LINGO2: variants seen among roughly 807,000 people sequenced by gnomAD.
LINGO2 encodes leucine rich repeat and Ig domain containing 2.
LINGO2 carries 14 observed loss-of-function variants against 30.6 expected under a neutral mutation model. The observed-to-expected ratio is 0.46, with a 90% CI of 0.30 to 0.72. The LOEUF (loss-of-function observed/expected upper bound fraction) is 0.72, where lower values mean the gene tolerates loss of function less well. Among genes scored for constraint, LINGO2 ranks in the 30% least tolerant of loss-of-function variants. The pLI is 0.07. For missense variants in LINGO2, 729 were observed against 751.7 expected (o/e 0.97, Z 0.35); for synonymous variants, 317 against 288.5 (o/e 1.10, Z -1.00).
At chr9:28,109,203 T>G (rs753338046) in intron 4 of LINGO2, among the ~76,000 whole-genome samples, 1 of 152,214 alleles carries the variant, frequency 6.6e-6, no homozygotes, top group Non-Finnish European at 1.5e-5. Context: ...CATCCCTTCA[T>G]GTTAAAAACA....
At chr9:28,717,244 C>G in the LINGO2 span, among the ~76,000 whole-genome samples, 3 of 150,910 alleles carry the variant, frequency 2.0e-5, no homozygotes, top group South Asian at 2.1e-4. Flanking sequence ...TGCCCATCAG[C>G]TGCTTAAAGA....
chr9:28,872,544 T>C, the LINGO2 span, among the ~76,000 whole-genome samples: 1 of 152,166 alleles, frequency 6.6e-6, no homozygotes. Flanking sequence ...TCTGAATCAG[T>C]TGTTTCACTA....
At chr9:28,863,291 C>G in the LINGO2 span, among the ~76,000 whole-genome samples, 1 of 151,878 alleles carries the variant, frequency 6.6e-6, no homozygotes, top group Admixed American at 6.6e-5. Context: ...AAATGGTATG[C>G]TTAGGATTTA....
intron 1 of LINGO2, among the ~76,000 whole-genome samples, chr9:28,607,798 A>G (rs1825753810): frequency 6.6e-6 from 1 of 151,904 alleles, no homozygotes; most frequent in Admixed American, 6.6e-5. Context: ...ATGGGTGGGT[A>G]GAGGGGTGGA....
At chr9:28,889,588 A>G in the LINGO2 span, among the ~76,000 whole-genome samples, 2 of 152,100 alleles carry the variant, frequency 1.3e-5, no homozygotes, top group African/African-American at 2.4e-5. Flanking sequence ...TTCTATTAAA[A>G]AACCTTTGTT....
chr9:28,280,894 G>A (rs184158232), intron 4 of LINGO2, among the ~76,000 whole-genome samples: 1 of 152,270 alleles, frequency 6.6e-6, no homozygotes. Context: ...AATTGACTAA[G>A]ACTAGCATAT....
the LINGO2 span, among the ~76,000 whole-genome samples, chr9:29,014,575 G>A: frequency 1.4e-4 from 22 of 152,218 alleles, no homozygotes; most frequent in African/African-American, 4.3e-4. Context: ...AACAGGCCAA[G>A]AAAGAATAAG....
At chr9:28,559,448 G>C (rs1372024807) in intron 1 of LINGO2, among the ~76,000 whole-genome samples, 1 of 151,998 alleles carries the variant, frequency 6.6e-6, no homozygotes, top group African/African-American at 2.4e-5. Context: ...AAACATAATA[G>C]GTCATTGCAC....
chr9:28,124,348 A>C (rs749887033), intron 4 of LINGO2, among the ~76,000 whole-genome samples: 2 of 152,238 alleles, frequency 1.3e-5, no homozygotes, highest in African/African-American at 2.4e-5. Flanking sequence ...TGGGAGGACT[A>C]AACTACTTCT....
Position 27,987,051 on chromosome 9 carries a change from TGA to T in LINGO2, c.-36+25302_-36+25303del, listed in dbSNP as rs201751142. 4.0e-4 allele frequency among the ~76,000 whole-genome samples: 60 copies of T among 151,552 alleles called. 1 individual carries two copies. In the East Asian group the frequency reaches 0.01, roughly 26 times the overall value. On this transcript the variant is annotated intron_variant, in intron 5 of 5. Coordinates refer to ENST00000379992, the Ensembl canonical transcript of LINGO2. ...TGGTCGACTTTTTTTTGTGTGTGTG[TGA>T]GTTTCAGCAAAATTGTTAACTTTTC...
At chr9:28,745,533 C>A in the LINGO2 span, among the ~76,000 whole-genome samples, 8 of 152,108 alleles carry the variant, frequency 5.3e-5, no homozygotes, top group South Asian at 1.7e-3. Flanking sequence ...TAGGAAAATT[C>A]CCAGACGTTG....
At chr9:28,646,283 T>C (rs1827833799) in intron 1 of LINGO2, among the ~76,000 whole-genome samples, 1 of 152,096 alleles carries the variant, frequency 6.6e-6, no homozygotes, top group African/African-American at 2.4e-5. Flanking sequence ...ATCTCTGTTA[T>C]CCATTGGCTG....
At position 28,148,546 on chromosome 9, in the gene LINGO2, C is replaced by T. The variant is rs1827884948; in HGVS notation, c.-86-136141G>A. 6.7e-7 allele frequency: 1 copy of T among 1,487,974 alleles called. No homozygotes were observed. Among genetic ancestry groups the T allele is most frequent in the African/African-American group, 1.4e-5 (1 of 72,182 alleles). 92.2% of individuals were successfully genotyped at this position (1,487,974 alleles called of 1,614,324 possible). A position where few individuals can be genotyped will look rare whatever the true frequency, so the allele number is the denominator to read the frequency against. On this transcript the variant is annotated intron_variant, in intron 4 of 5. Transcript: ENST00000379992. This position sits in a 1 kb window ranked among gnomAD's most constrained non-coding sequence, Gnocchi z 5.1. Reference sequence around the variant, plus strand: ...GTAGCAATGGGGAAGCAGCTTCCACCTCTAGGCCCCTGGAGACTCAGGGAA... The same window carrying T: ...GTAGCAATGGGGAAGCAGCTTCCACTTCTAGGCCCCTGGAGACTCAGGGAA...
At chr9:28,631,999 T>A (rs1474657572) in intron 1 of LINGO2, among the ~76,000 whole-genome samples, 7 of 152,116 alleles carry the variant, frequency 4.6e-5, no homozygotes, top group African/African-American at 9.7e-5. Context: ...TAAACAGATT[T>A]AGTTAGAGCC....
the LINGO2 span, among the ~76,000 whole-genome samples, chr9:29,166,945 T>G: frequency 6.6e-6 from 1 of 152,100 alleles, no homozygotes; most frequent in African/African-American, 2.4e-5. Flanking sequence ...TAGATAGATA[T>G]GAGAAAGAGG....
At chr9:28,578,567 T>C (rs1292300559) in intron 1 of LINGO2, among the ~76,000 whole-genome samples, 1 of 152,162 alleles carries the variant, frequency 6.6e-6, no homozygotes, top group Non-Finnish European at 1.5e-5. Flanking sequence ...CATGGTAGTT[T>C]GTGTTACCAG....
rs77498818 is a variant in LINGO2, at chr9:28,064,283, C to G, written c.-86-51878G>C. On this transcript the variant is annotated intron_variant, in intron 4 of 5. Transcript: ENST00000379992. ...CTTCGGGTTAAAGGCACCGACATTT[C>G]CATGAGGTTGTACCCATTCAACCTG... Among the ~76,000 whole-genome samples the G allele has an allele frequency of 9.4e-3, 1,436 of 152,240 alleles. 36 individuals are homozygous for G. Among genetic ancestry groups the G allele is most frequent in the African/African-American group, 0.033 (1,359 of 41,552 alleles).
the LINGO2 span, among the ~76,000 whole-genome samples, chr9:29,056,830 T>A: frequency 6.6e-6 from 1 of 152,264 alleles, no homozygotes; most frequent in Admixed American, 6.5e-5. Flanking sequence ...CCCAGCACCA[T>A]TTGTTGAATA....
the LINGO2 span, among the ~76,000 whole-genome samples, chr9:29,057,103 T>C: frequency 6.6e-6 from 1 of 152,086 alleles, no homozygotes; most frequent in Non-Finnish European, 1.5e-5. Flanking sequence ...TTTGGAATTT[T>C]AAGATTTTTT....
Sources: gnomAD v4.1 joint callset for allele counts (sites outside exome capture counted in the v4.1 genomes callset) on GRCh38, gnomAD v4.1.1 for gene constraint, Gnocchi (gnomAD v3.1) non-coding constraint, MANE v1.5 for transcripts, NCBI Gene and HGNC (gene_info 2026-07-23, HGNC 2026-07-21) for gene names.